UCP1: variants seen among roughly 807,000 people sequenced by gnomAD.
UCP1 encodes the protein uncoupling protein 1, also known as mitochondrial brown fat uncoupling protein 1.
A neutral mutation model predicts 26.2 loss-of-function variants in UCP1; 24 were observed. That is an observed-to-expected ratio of 0.92 (90% CI 0.66 to 1.29). UCP1 has a LOEUF of 1.29. UCP1 is among the 50% of genes most tolerant of loss of function. The pLI, the probability that UCP1 is intolerant of heterozygous loss-of-function variation, is 0.00. For synonymous variants in UCP1, 164 were observed against 156.8 expected, an observed-to-expected ratio of 1.05 and a Z score of -0.34; for missense variants, 402 against 388.7, an observed-to-expected ratio of 1.03 and a Z score of -0.29.
Position 140,568,663 on chromosome 4 carries a change from C to G in UCP1, c.67G>C (p.Ala23Pro). 1.2e-6 allele frequency: 2 copies of G among 1,611,224 alleles called. No individual in the cohort carries two copies. The highest frequency in any genetic ancestry group is 1.7e-6 in the Non-Finnish European group (2 of 1,179,140). ...GTGATCACGTCCGCCAAGCACGCCGCTATTCCAGCTGAGAAGAGCTGGACC... is the reference window on the plus strand; with the variant it reads ...GTGATCACGTCCGCCAAGCACGCCGGTATTCCAGCTGAGAAGAGCTGGACC... Reference protein sequence around the residue: ...LGVQLFSAGIAACLADVITFP... With the variant: ...LGVQLFSAGIPACLADVITFP... Residue 23 changes from alanine (A) to proline (P), a missense_variant, in exon 1 of 6, where the codon GCG becomes CCG. Coordinates refer to ENST00000262999, the MANE Select transcript of UCP1 (RefSeq NM_021833.5).
Position 140,568,701 on chromosome 4 carries a change from T to C in UCP1, c.29A>G (p.His10Arg). The C allele has an allele frequency of 6.2e-7, 1 of 1,602,154 alleles. No individual in the cohort carries two copies. Among genetic ancestry groups the C allele is most frequent in the Non-Finnish European group, 8.5e-7 (1 of 1,175,550 alleles). MGGLTASDV[H>R]PTLGVQLFSA... Reference sequence around the variant, plus strand: ...GAAGAGCTGGACCCCCAGGGTCGGGTGTACGTCCGAGGCTGTCAGGCCCCC... The same window carrying C: ...GAAGAGCTGGACCCCCAGGGTCGGGCGTACGTCCGAGGCTGTCAGGCCCCC... Residue 10 changes from histidine (H) to arginine (R), a missense_variant, in exon 1 of 6, where the codon CAC (histidine) becomes CGC (arginine). Coordinates refer to ENST00000262999, the MANE Select transcript of UCP1 (RefSeq NM_021833.5).
chr4:140,566,379 A>T (rs1735798632), intron 2 of UCP1, among the ~76,000 whole-genome samples: 2 of 152,236 alleles, frequency 1.3e-5, no homozygotes, highest in Admixed American at 6.5e-5. Flanking sequence ...ATAACATAGA[A>T]CACTGCCAAC....
chr4:140,567,702 C>A, intron 2 of UCP1, 77 bp downstream of exon 2: 2 of 1,564,094 alleles, frequency 1.3e-6, no homozygotes, highest in Non-Finnish European at 1.8e-6. Context: ...GAAAACCACT[C>A]CTCTGTGTGT....
chr4:140,568,555 G>A, intron 1 of UCP1, 49 bp downstream of exon 1: 1 of 1,612,394 alleles, frequency 6.2e-7, no homozygotes, highest in Non-Finnish European at 8.5e-7. Context: ...GCACGCAACA[G>A]CGTCCCCTCT....
Position 140,568,679 on chromosome 4 carries a change from G to T in UCP1, c.51C>A (p.Leu17=). Residue 17 remains leucine, a synonymous_variant, in exon 1 of 6, where the codon CTC becomes CTA. Coordinates refer to ENST00000262999, the MANE Select transcript of UCP1 (RefSeq NM_021833.5). ...SDVHPTLGVQ[L]FSAGIAACLA... ...AGCACGCCGCTATTCCAGCTGAGAA[G>T]AGCTGGACCCCCAGGGTCGGGTGTA... The T allele has an allele frequency of 6.2e-7, 1 of 1,609,032 alleles. No individual in the cohort carries two copies.
intron 2 of UCP1, among the ~76,000 whole-genome samples, chr4:140,564,167 C>T (rs1045349264): frequency 3.3e-5 from 5 of 152,122 alleles, no homozygotes; most frequent in African/African-American, 1.2e-4. Context: ...CACCCATCAC[C>T]AATGAGGCTT....
intron 5 of UCP1, among the ~76,000 whole-genome samples, chr4:140,560,812 A>G (rs1257346282): frequency 1.3e-5 from 2 of 152,040 alleles, no homozygotes; most frequent in Non-Finnish European, 2.9e-5. Flanking sequence ...GTGTGTAACC[A>G]TCACCACTAT....
rs142052143 is a variant in UCP1, at chr4:140,562,327, G to A, written c.675C>T (p.Cys225=). 8.2e-5 allele frequency: 132 copies of A among 1,614,026 alleles called. No individual in the cohort carries two copies. Among genetic ancestry groups the A allele is most frequent in the Middle Eastern group, 5.0e-4 (3 of 6,060 alleles). Residue 225 remains cysteine (C), a synonymous_variant, in exon 5 of 6, where the codon TGC becomes TGT. Coordinates refer to ENST00000262999, the MANE Select transcript of UCP1 (RefSeq NM_021833.5). The stretch of plus-strand genomic sequence containing the variant: ...CCACCGGGGAGGACATAGCTGTTGC[G>A]CAAAATCCAGCGATAAGAGCCGACA... ...HLVSALIAGF[C]ATAMSSPVDV...
intron 5 of UCP1, among the ~76,000 whole-genome samples, chr4:140,561,613 A>G (rs1234740356): frequency 1.3e-5 from 2 of 152,224 alleles, no homozygotes; most frequent in Non-Finnish European, 2.9e-5. Context: ...TGCTGGGATT[A>G]CAGGTGCGAG....
In UCP1 at chr4:140,559,512, AT is replaced by A. The variant is rs1309183394; in HGVS notation, c.*383del. On this transcript the variant is annotated 3_prime_UTR_variant, in exon 6 of 6. Transcript: ENST00000262999. ...AAAAACTAATATTTTTAATAACTTC[AT>A]TTTTAAGTATTTATAAATATAAACT... The A allele has an allele frequency of 5.4e-6, 1 of 183,872 alleles. No individual in the cohort carries two copies. Among genetic ancestry groups the A allele is most frequent in the Admixed American group, 5.8e-5 (1 of 17,388 alleles). 11.4% of individuals were successfully genotyped at this position (183,872 alleles called of 1,614,324 possible). A position where few individuals can be genotyped will look rare whatever the true frequency, so the allele number is the denominator to read the frequency against.
chr4:140,566,788 A>T (rs940580521), intron 2 of UCP1, among the ~76,000 whole-genome samples: 7 of 152,232 alleles, frequency 4.6e-5, no homozygotes, highest in Admixed American at 4.6e-4. Context: ...GATTTTGTGC[A>T]TGTTACTTAA....
chr4:140,566,147 C>T (rs1334192372), intron 2 of UCP1, among the ~76,000 whole-genome samples: 1 of 152,152 alleles, frequency 6.6e-6, no homozygotes, highest in Non-Finnish European at 1.5e-5. Context: ...ACCAATTTGC[C>T]TCCTAACTCA....
chr4:140,560,326 A>G (rs1216312925), intron 5 of UCP1, among the ~76,000 whole-genome samples: 1 of 152,208 alleles, frequency 6.6e-6, no homozygotes. Flanking sequence ...TGCTGAAAAT[A>G]AATTTTCCTC....
chr4:140,563,632 G>A (rs1735738041), intron 2 of UCP1, 114 bp from the exon 3 acceptor site: 1 of 966,004 alleles, frequency 1.0e-6, no homozygotes, highest in African/African-American at 1.7e-5. Flanking sequence ...TTTTGAGATG[G>A]AGTCTTGCTC....
rs764423219 is a variant in UCP1, at chr4:140,563,391, T to A, written c.453A>T (p.Lys151Asn). Residue 151 changes from lysine (K) to asparagine (N), a missense_variant, in exon 3 of 6, where the codon AAA (lysine) becomes AAT (asparagine). By Grantham distance (94) the Lys-to-Asn change is moderately conservative. Transcript: ENST00000262999. ...CATTATAAGTCCCCGTGTAGCGAGG[T>A]TTGATTCCGTGGAGATGGCTCTGTG... Reference protein sequence around the residue: ...LQAQSHLHGIKPRYTGTYNAY... With the variant: ...LQAQSHLHGINPRYTGTYNAY... 1 of 1,613,992 alleles carries A rather than the reference T, an allele frequency of 6.2e-7. No individual in the cohort carries two copies. The highest frequency in any genetic ancestry group is 8.5e-7 in the Non-Finnish European group (1 of 1,180,022).
At chr4:140,567,572 C>T (rs190126099) in intron 2 of UCP1, among the ~76,000 whole-genome samples, 1 of 152,328 alleles carries the variant, frequency 6.6e-6, no homozygotes, top group African/African-American at 2.4e-5. Context: ...ACTGGGTGAC[C>T]TTTACAAGTA....
At chr4:140,563,728 C>T (rs1578788861) in intron 2 of UCP1, among the ~76,000 whole-genome samples, 2 of 152,006 alleles carry the variant, frequency 1.3e-5, no homozygotes, top group South Asian at 4.1e-4. Context: ...CTGCCTCAGC[C>T]TCCCAAGTAG....
rs538257429 is a variant in UCP1 at position 140,568,721 on chromosome 4, G to GC, written c.8dup (p.Leu4ProfsTer43). 5.0e-5 allele frequency: 79 copies of GC among 1,592,438 alleles called. No homozygotes were observed. In the South Asian group the frequency reaches 8.4e-4, roughly 17 times the overall value. ...TCGGGTGTACGTCCGAGGCTGTCAG[G>GC]CCCCCCATCTTCACTCAGAGACTGG... On this transcript the variant is annotated frameshift_variant, in exon 1 of 6. Coordinates refer to ENST00000262999, the MANE Select transcript of UCP1 (RefSeq NM_021833.5). LOFTEE classifies it high-confidence loss of function.
At chr4:140,560,818 A>G (rs1735662152) in intron 5 of UCP1, among the ~76,000 whole-genome samples, 1 of 151,806 alleles carries the variant, frequency 6.6e-6, no homozygotes, top group Non-Finnish European at 1.5e-5. Context: ...AACCATCACC[A>G]CTATCCATCT....
Sources: gnomAD v4.1 joint callset for allele counts (sites outside exome capture counted in the v4.1 genomes callset) on GRCh38, gnomAD v4.1.1 for gene constraint, MANE v1.5 for transcripts, NCBI Gene and HGNC (gene_info 2026-07-23, HGNC 2026-07-21) for gene names.